TNS1: variants seen among roughly 807,000 people sequenced by gnomAD.
TNS1 encodes tensin 1.
In TNS1, 62 loss-of-function variants were observed where a neutral mutation model predicts 168.6. The ratio of observed to expected loss-of-function variants is 0.37; its 90% confidence interval spans 0.30 to 0.45. The LOEUF (loss-of-function observed/expected upper bound fraction) is 0.45, where lower values mean the gene tolerates loss of function less well. Ranked by LOEUF, TNS1 falls within the 20% of genes least tolerant of loss-of-function variation. The pLI is 1.00. For synonymous variants in TNS1, 934 were observed against 933.2 expected (o/e 1.00, Z -0.02); for missense variants, 2,240 against 2,339.4 (o/e 0.96, Z 0.88).
At chr2:217,955,748 C>G (rs965544183) in intron 3 of TNS1, among the ~76,000 whole-genome samples, 19 of 152,220 alleles carry the variant, frequency 1.2e-4, no homozygotes, top group Non-Finnish European at 1.0e-4. Context: ...CCAGGTCTTT[C>G]AAGTCCTAAG....
intron 3 of TNS1, among the ~76,000 whole-genome samples, chr2:217,949,310 A>G (rs1449370297): frequency 2.6e-5 from 4 of 152,266 alleles, no homozygotes; most frequent in African/African-American, 9.6e-5. Context: ...CCTGAGAAGC[A>G]TAATTTTAAA....
chr2:217,967,681 CGCAAAGAAAAGCCCA>C (rs1559392653), intron 3 of TNS1, among the ~76,000 whole-genome samples: 3 of 152,124 alleles, frequency 2.0e-5, no homozygotes, highest in African/African-American at 7.2e-5. Flanking sequence ...AAAAACTACA[CGCAAAGAAAAGCCCA>C]GGTCCCGATG....
At chr2:217,805,884 C>CACACACA (rs1553529655) in intron 32 of TNS1, among the ~76,000 whole-genome samples, 1 of 147,164 alleles carries the variant, frequency 6.8e-6, no homozygotes, top group Non-Finnish European at 1.5e-5. Context: ...TATACACACA[C>CACACACA]CACACACACA....
At chr2:217,859,394 G>A in intron 18 of TNS1, 1 of 486,262 alleles carries the variant, frequency 2.1e-6, no homozygotes, top group Non-Finnish European at 3.6e-6. Flanking sequence ...GCAGAGTCCA[G>A]GAGCCAGAAC....
chr2:218,027,730 G>A (rs1958862478), intron 1 of TNS1, among the ~76,000 whole-genome samples: 1 of 152,146 alleles, frequency 6.6e-6, no homozygotes, highest in South Asian at 2.1e-4. Context: ...AGTGGAGGGT[G>A]GATAGGGAAA....
intron 15 of TNS1, 140 bp downstream of exon 15, chr2:217,885,604 A>C: frequency 1.2e-6 from 1 of 803,502 alleles, no homozygotes; most frequent in Non-Finnish European, 2.0e-6. Flanking sequence ...AAGGTCTTCC[A>C]AGAGCCCTGA....
chr2:217,916,818 G>A (rs1170739230), intron 4 of TNS1, among the ~76,000 whole-genome samples: 1 of 152,170 alleles, frequency 6.6e-6, no homozygotes, highest in African/African-American at 2.4e-5. Context: ...ATTTAAGCAA[G>A]ATCAGTGAGA....
rs1479957590 is a variant in TNS1, at chr2:217,808,750, C to A, written c.5274-79G>T. On this transcript the variant is annotated intron_variant, in intron 30 of 32. Transcript: ENST00000682258. ...CCCCTCCTTCCACCAGCAGGTCAGG[C>A]CACCTTTCCACCATCTGTGGCTATC... is the stretch of plus-strand genomic sequence containing the variant. 26 of 1,285,904 alleles carry A rather than the reference C, an allele frequency of 2.0e-5. No individual in the cohort carries two copies. In the East Asian group the frequency reaches 5.8e-4, roughly 29 times the overall value. 79.7% of individuals were successfully genotyped at this position (1,285,904 alleles called of 1,614,324 possible).
chr2:217,847,774 C>T lies in TNS1; in HGVS notation c.2743G>A (p.Gly915Ser), dbSNP rs1003199061. ...PRASLESVPP[G>S]RSYSPYDYQP... ...TAGTCATAAGGTGAGTAAGACCTGC[C>T]AGGAGGGACAGACTCCAGAGAGGCC... Residue 915 changes from glycine to serine, a missense_variant, in exon 19 of 33, where the codon GGC becomes AGC. Gly to Ser is a moderately conservative substitution (Grantham distance 56, BLOSUM62 0). Transcript: ENST00000682258. 2 of 1,607,720 alleles carry T rather than the reference C, an allele frequency of 1.2e-6. No homozygotes were observed. The highest frequency in any genetic ancestry group is 2.7e-5 in the African/African-American group (2 of 74,830).
intron 23 of TNS1, 65 bp from the exon 24 acceptor site, chr2:217,818,824 G>A: frequency 1.5e-6 from 2 of 1,362,194 alleles, no homozygotes; most frequent in Non-Finnish European, 2.0e-6. Flanking sequence ...ATTTACAGCA[G>A]GCTGTCTGCC....
intron 32 of TNS1, among the ~76,000 whole-genome samples, chr2:217,805,474 A>C (rs113060382): frequency 0.3 from 9,705 of 31,868 alleles, 254 homozygotes; most frequent in African/African-American, 0.34. Flanking sequence ...CACCACACAC[A>C]CCACACACAC....
chr2:217,967,638 C>A (rs1957680642), intron 3 of TNS1, among the ~76,000 whole-genome samples: 1 of 152,028 alleles, frequency 6.6e-6, no homozygotes, highest in African/African-American at 2.4e-5. Flanking sequence ...CTGAATAGAC[C>A]TATAATAAAT....
rs186536781 is a variant in TNS1 at position 217,852,112 on chromosome 2, T to C, written c.1430-3025A>G. On this transcript the variant is annotated intron_variant, in intron 18 of 32. Coordinates refer to ENST00000682258, the MANE Select transcript of TNS1 (RefSeq NM_001387777.1). Reference sequence around the variant, plus strand: ...GTGAGCCGAGATCGCACCATTGCACTCCAGCCTGGGTGACAGAGCAAGACT... The same window carrying C: ...GTGAGCCGAGATCGCACCATTGCACCCCAGCCTGGGTGACAGAGCAAGACT... Among the ~76,000 whole-genome samples, 197 of 152,146 alleles carry C rather than the reference T, an allele frequency of 1.3e-3. 1 individual carries two copies. The highest frequency in any genetic ancestry group is 4.0e-3 in the African/African-American group (167 of 41,512).
chr2:217,885,786 G>A lies in TNS1; in HGVS notation c.1074C>T (p.Cys358=), dbSNP rs1361598773. ...AGAGCAGTCCTGGCTCGATGGTGAT[G>A]CAGACGCTAGTCTGGCTGTCTCCTG... The part of the protein sequence containing the change: ...NIPGDSQTSV[C]ITIEPGLLLK... Residue 358 remains cysteine (C), a synonymous_variant, in exon 15 of 33, where the codon TGC becomes TGT. Transcript: ENST00000682258. 1.9e-6 allele frequency: 3 copies of A among 1,614,072 alleles called. No homozygotes were observed. Among genetic ancestry groups the A allele is most frequent in the African/African-American group, 2.7e-5 (2 of 74,932 alleles).
At chr2:217,811,105 C>A (rs750735113) in intron 28 of TNS1, among the ~76,000 whole-genome samples, 3 of 152,092 alleles carry the variant, frequency 2.0e-5, no homozygotes, top group Non-Finnish European at 4.4e-5. Context: ...GTCTTGAATG[C>A]CTCACTTCGA....
At chr2:217,823,996 A>T (rs1943250898) in intron 22 of TNS1, among the ~76,000 whole-genome samples, 1 of 152,244 alleles carries the variant, frequency 6.6e-6, no homozygotes, top group African/African-American at 2.4e-5. Flanking sequence ...GACAATGCAG[A>T]TATCCCCTGA....
chr2:217,886,586 C>T lies in TNS1; in HGVS notation c.927G>A (p.Leu309=), dbSNP rs769903608. The T allele has an allele frequency of 2.5e-6, 4 of 1,606,174 alleles. No homozygotes were observed. Among genetic ancestry groups the T allele is most frequent in the Non-Finnish European group, 3.4e-6 (4 of 1,176,764 alleles). ...SGSIKMNNKP[L]FLHHVIMHGI... Reference sequence around the variant, plus strand: ...CGTGCATGATCACGTGGTGCAGAAACAAGGGCTTGTTGTTCATTTTGATGG... The same window carrying T: ...CGTGCATGATCACGTGGTGCAGAAATAAGGGCTTGTTGTTCATTTTGATGG... The change falls in exon 13 of 33, where the codon TTG becomes TTA. Residue 309 remains leucine (L), a synonymous_variant. Transcript: ENST00000682258.
chr2:217,911,215 T>A (rs1954368153), intron 4 of TNS1, among the ~76,000 whole-genome samples: 1 of 152,134 alleles, frequency 6.6e-6, no homozygotes, highest in Non-Finnish European at 1.5e-5. Context: ...AGTCCCCCCT[T>A]ACCTCCCAGG....
intron 1 of TNS1, among the ~76,000 whole-genome samples, chr2:217,998,856 T>G (rs183042618): frequency 1.2e-4 from 18 of 152,252 alleles, no homozygotes; most frequent in African/African-American, 4.1e-4. Flanking sequence ...TCCTGACACC[T>G]TCTCCCTACA....
Sources: gnomAD v4.1 joint callset for allele counts (sites outside exome capture counted in the v4.1 genomes callset) on GRCh38, gnomAD v4.1.1 for gene constraint, MANE v1.5 for transcripts, NCBI Gene and HGNC (gene_info 2026-07-23, HGNC 2026-07-21) for gene names.